The following NINL variants were observed in gnomAD, a reference collection of about 807,000 sequenced individuals.
NINL encodes ninein-like protein.
NINL carries 153 observed loss-of-function variants against 160.3 expected under a neutral mutation model. The ratio of observed to expected loss-of-function variants is 0.95; its 90% CI spans 0.84 to 1.09. The LOEUF (loss-of-function observed/expected upper bound fraction) is 1.09. Ranked by LOEUF, NINL falls within the 50% of genes least tolerant of loss-of-function variation. The probability of loss-of-function intolerance (pLI) is 0.00; values close to 1 mark genes in which losing one functional copy is unlikely to be tolerated. For synonymous variants in NINL, 800 were observed against 734.8 expected (o/e 1.09, Z -1.43); for missense variants, 1,829 against 1,764.0 (o/e 1.04, Z -0.66).
At chr20:25,497,777 G>A (rs553733369) in intron 9 of NINL, among the ~76,000 whole-genome samples, 34 of 152,224 alleles carry the variant, frequency 2.2e-4, no homozygotes, top group Admixed American at 1.4e-3. Flanking sequence ...CCCACCTGGC[G>A]CTGGCAAGCG....
chr20:25,566,086 C>T lies in NINL; in HGVS notation c.-12+19369G>A, dbSNP rs369653264. Among the ~76,000 whole-genome samples, 16 of 152,340 alleles carry T rather than the reference C, an allele frequency of 1.1e-4. No individual in the cohort carries two copies. The East Asian group carries it at 1.9e-3, about 18-fold the overall frequency. Reference sequence around the variant, plus strand: ...CACTGGACTTTTCGGCCTCCACAGTCACATGAGTCAGTTCTCCTAACACAT... The same window carrying T: ...CACTGGACTTTTCGGCCTCCACAGTTACATGAGTCAGTTCTCCTAACACAT... On this transcript the variant is annotated intron_variant, in intron 1 of 23. Coordinates refer to ENST00000278886, the MANE Select transcript of NINL (RefSeq NM_025176.6).
chr20:25,556,408 G>GAGCCT (rs2064866953), intron 1 of NINL, among the ~76,000 whole-genome samples: 1 of 152,176 alleles, frequency 6.6e-6, no homozygotes, highest in African/African-American at 2.4e-5. Flanking sequence ...AGGATCACTT[G>GAGCCT]AGCCTAGGAG....
intron 1 of NINL, among the ~76,000 whole-genome samples, chr20:25,561,847 G>A (rs371500361): frequency 0.086 from 13,054 of 151,038 alleles, 893 homozygotes; most frequent in African/African-American, 0.2. Flanking sequence ...CTGCCACCCC[G>A]TCTGGGAAGT....
Position 25,478,972 on chromosome 20 carries a change from C to A in NINL, c.2152G>T (p.Ala718Ser). ...TGCCGCAGGGCCAGGCCACACAGTG[C>A]CTGGGTGCAGCAGGGTGCCAGGCCC... The part of the protein sequence containing the change: ...QMGLAPCCTQ[A>S]LCGLALRHHS... Residue 718 changes from alanine to serine, a missense_variant, in exon 16 of 24, where the codon GCA (alanine) becomes TCA (serine). By Grantham distance (99) the Ala-to-Ser change is moderately conservative (BLOSUM62 1). Coordinates refer to ENST00000278886, the MANE Select transcript of NINL (RefSeq NM_025176.6). 6.3e-7 allele frequency: 1 copy of A among 1,596,570 alleles called. No homozygotes were observed. Among genetic ancestry groups the A allele is most frequent in the Admixed American group, 1.7e-5 (1 of 59,504 alleles).
At chr20:25,478,468 C>T (rs1303536266) in intron 16 of NINL, among the ~76,000 whole-genome samples, 2 of 152,232 alleles carry the variant, frequency 1.3e-5, no homozygotes, top group African/African-American at 4.8e-5. Flanking sequence ...ACATAAAACA[C>T]CAGCACAGGC....
intron 4 of NINL, among the ~76,000 whole-genome samples, chr20:25,512,525 C>G (rs2064088705): frequency 6.6e-6 from 1 of 152,198 alleles, no homozygotes; most frequent in Non-Finnish European, 1.5e-5. Flanking sequence ...CCTGCTTCCC[C>G]TTTGCCTTCC....
chr20:25,561,948 G>A (rs1305415475), intron 1 of NINL, among the ~76,000 whole-genome samples: 4 of 148,196 alleles, frequency 2.7e-5, no homozygotes, highest in African/African-American at 1.0e-4. Context: ...GGAGGGAGGT[G>A]GGGGGTCAGC....
In NINL at chr20:25,462,500, C is replaced by T. The variant is rs202142466; in HGVS notation, c.3465G>A (p.Arg1155=). ...AAGCCTCCTGTCCCAGTTGAAGAACCCTGACATTGAGCTGGGATAATTGAT... is the reference window on the plus strand; with the variant it reads ...AAGCCTCCTGTCCCAGTTGAAGAACTCTGACATTGAGCTGGGATAATTGAT... ...YKDQLSQLNV[R]VLQLGQEAST... The change falls in exon 20 of 24, where the codon AGG becomes AGA. Residue 1155 remains arginine, a synonymous_variant. Transcript: ENST00000278886. The T allele has an allele frequency of 2.4e-5, 38 of 1,614,124 alleles. No homozygotes were observed. In the East Asian group the frequency reaches 8.2e-4, roughly 35 times the overall value.
chr20:25,552,879 GGGTTACTCA>G (rs1568962216), intron 1 of NINL, among the ~76,000 whole-genome samples: 1 of 152,236 alleles, frequency 6.6e-6, no homozygotes, highest in African/African-American at 2.4e-5. Context: ...TAAACACACC[GGGTTACTCA>G]GGCCTTCCTG....
chr20:25,565,939 C>T (rs1235935746), intron 1 of NINL, among the ~76,000 whole-genome samples: 1 of 152,200 alleles, frequency 6.6e-6, no homozygotes, highest in African/African-American at 2.4e-5. Context: ...CCCCCGCAGG[C>T]TCTCTGAGCT....
At chr20:25,501,381 G>C (rs1005183211) in intron 7 of NINL, among the ~76,000 whole-genome samples, 4 of 152,260 alleles carry the variant, frequency 2.6e-5, no homozygotes, top group African/African-American at 4.8e-5. Flanking sequence ...TGGCCTCGCA[G>C]AGGCAGGGGC....
intron 1 of NINL, among the ~76,000 whole-genome samples, chr20:25,561,162 G>A (rs533922382): frequency 2.4e-3 from 369 of 152,200 alleles, no homozygotes; most frequent in African/African-American, 7.9e-3. Flanking sequence ...TCAGCCTGCC[G>A]AGTGCCTGCG....
chr20:25,508,409 G>C (rs1459465395), intron 5 of NINL, among the ~76,000 whole-genome samples: 4 of 152,254 alleles, frequency 2.6e-5, no homozygotes, highest in African/African-American at 9.6e-5. Context: ...AAGGAATACA[G>C]ACCAGTGCTA....
At chr20:25,560,449 C>T (rs572727423) in intron 1 of NINL, among the ~76,000 whole-genome samples, 24 of 152,306 alleles carry the variant, frequency 1.6e-4, no homozygotes, top group African/African-American at 4.8e-4. Flanking sequence ...TCAGTAGGCA[C>T]TCATTATCCT....
At position 25,566,675 on chromosome 20, in the gene NINL, T is replaced by C. The variant is rs530788526; in HGVS notation, c.-12+18780A>G. On this transcript the variant is annotated intron_variant, in intron 1 of 23. Coordinates refer to ENST00000278886, the MANE Select transcript of NINL (RefSeq NM_025176.6). Reference sequence around the variant, plus strand: ...CCGGCATGGTAACTCATGCCTGTAATCCCAGTGCTTTGGGAGGCCAAGGCA... The same window carrying C: ...CCGGCATGGTAACTCATGCCTGTAACCCCAGTGCTTTGGGAGGCCAAGGCA... 2.0e-5 allele frequency among the ~76,000 whole-genome samples: 3 copies of C among 152,266 alleles called. No individual in the cohort carries two copies. The South Asian group carries it at 6.2e-4, about 32-fold the overall frequency.
chr20:25,511,816 T>G (rs558209253), intron 4 of NINL, among the ~76,000 whole-genome samples: 1 of 152,162 alleles, frequency 6.6e-6, no homozygotes, highest in Non-Finnish European at 1.5e-5. Context: ...TTAAATATAT[T>G]TTGGTTGTTT....
At chr20:25,577,982 A>G (rs1438064889) in intron 1 of NINL, among the ~76,000 whole-genome samples, 1 of 151,482 alleles carries the variant, frequency 6.6e-6, no homozygotes, top group African/African-American at 2.4e-5. Context: ...ACAGGCATGT[A>G]CCACCACACC....
At chr20:25,482,132 C>G (rs1297104192) in intron 13 of NINL, 32 bp from the exon 14 acceptor site, 27 of 1,578,606 alleles carry the variant, frequency 1.7e-5, no homozygotes, top group Non-Finnish European at 2.1e-5. Context: ...CCTCCTCTAG[C>G]AGCTGCAGCC....
Position 25,528,967 on chromosome 20 carries a change from G to T in NINL, c.-11-2369C>A, listed in dbSNP as rs73335402. Among the ~76,000 whole-genome samples the T allele has an allele frequency of 4.9e-3, 744 of 152,264 alleles. 5 individuals are homozygous for T. The highest frequency in any genetic ancestry group is 0.017 in the African/African-American group (696 of 41,556). ...ATGTCGCTTTAATGTGGCGGGAGGC[G>T]TTTACTTGCCATCATCCACACAGGG... On this transcript the variant is annotated intron_variant, in intron 1 of 23. Transcript: ENST00000278886.
Sources: gnomAD v4.1 joint callset for allele counts (sites outside exome capture counted in the v4.1 genomes callset) on GRCh38, gnomAD v4.1.1 for gene constraint, MANE v1.5 for transcripts, NCBI Gene and HGNC (gene_info 2026-07-23, HGNC 2026-07-21) for gene names.